CACNB4: variants seen among roughly 807,000 people sequenced by gnomAD.
CACNB4 encodes voltage-dependent L-type calcium channel subunit beta-4.
In CACNB4, 32 loss-of-function variants were observed where a neutral mutation model predicts 71.2. That is an observed-to-expected ratio of 0.45 (90% CI 0.34 to 0.60). CACNB4 has a LOEUF of 0.60. Among genes scored for constraint, CACNB4 ranks in the 20% least tolerant of loss-of-function variants. The pLI is 0.01. For synonymous variants in CACNB4, 231 were observed against 236.9 expected, an observed-to-expected ratio of 0.97 and a Z score of 0.23; for missense variants, 464 against 647.9, an observed-to-expected ratio of 0.72 and a Z score of 3.08.
chr2:151,872,529 C>T (rs2099844897), intron 5 of CACNB4, 36 bp from the exon 6 acceptor site: 1 of 1,156,900 alleles, frequency 8.6e-7, no homozygotes, highest in South Asian at 1.3e-5. Context: ...ACTCACTCCC[C>T]AGATTCTTTG....
intron 2 of CACNB4, among the ~76,000 whole-genome samples, chr2:152,080,360 A>T (rs1279944731): frequency 4.6e-5 from 7 of 152,012 alleles, no homozygotes; most frequent in Admixed American, 3.9e-4. Flanking sequence ...TGACCTCGTG[A>T]TCCCCCTGCC....
chr2:152,066,147 G>T (rs1686306983), intron 2 of CACNB4, among the ~76,000 whole-genome samples: 4 of 152,188 alleles, frequency 2.6e-5, no homozygotes, highest in South Asian at 4.2e-4. Flanking sequence ...GTACATGCAG[G>T]CTCAACCAGA....
chr2:151,902,841 T>A (rs2099853825), intron 2 of CACNB4, among the ~76,000 whole-genome samples: 1 of 152,198 alleles, frequency 6.6e-6, no homozygotes, highest in South Asian at 2.1e-4. Context: ...TACCCTATTG[T>A]GTGCAATGAA....
intron 2 of CACNB4, among the ~76,000 whole-genome samples, chr2:152,011,209 A>G (rs1297980688): frequency 6.6e-6 from 1 of 152,138 alleles, no homozygotes; most frequent in East Asian, 1.9e-4. Context: ...AATTCAAGAA[A>G]AACTTTCAGC....
At chr2:151,944,160 C>G (rs886141676) in intron 2 of CACNB4, among the ~76,000 whole-genome samples, 2 of 151,564 alleles carry the variant, frequency 1.3e-5, no homozygotes, top group Non-Finnish European at 2.9e-5. Context: ...TCCTAAGTAG[C>G]TGAGATGACA....
intron 2 of CACNB4, among the ~76,000 whole-genome samples, chr2:151,961,466 G>C (rs895225133): frequency 5.3e-5 from 8 of 152,194 alleles, no homozygotes; most frequent in African/African-American, 1.9e-4. Context: ...CAACAGTACA[G>C]GAATTAAAAC....
At chr2:152,060,744 C>T (rs769019041) in intron 2 of CACNB4, among the ~76,000 whole-genome samples, 8 of 152,166 alleles carry the variant, frequency 5.3e-5, no homozygotes, top group Non-Finnish European at 1.0e-4. Flanking sequence ...GGTACATCTA[C>T]ACATCAGATT....
At position 152,042,670 on chromosome 2, in the gene CACNB4, G is replaced by T. The variant is rs76270500; in HGVS notation, c.147+55660C>A. Among the ~76,000 whole-genome samples the T allele has an allele frequency of 5.8e-5, 8 of 137,390 alleles. No individual in the cohort carries two copies. The East Asian group carries it at 1.7e-3, about 30-fold the overall frequency. The allele number at this position is 137,390 out of a possible 152,430, so 90.1% of individuals were successfully genotyped here. ...ATATCTTATGTTCCCCCTTCTGGCT[G>T]AAAGTGTTGTTAATTTTATTTATTT... On this transcript the variant is annotated intron_variant, in intron 2 of 13. Transcript: ENST00000539935.
At chr2:152,071,479 A>G (rs949470022) in intron 2 of CACNB4, among the ~76,000 whole-genome samples, 2 of 152,204 alleles carry the variant, frequency 1.3e-5, no homozygotes, top group Non-Finnish European at 2.9e-5. Context: ...GAAGCTTTTA[A>G]TATCTACACA....
At chr2:152,018,350 C>G (rs2105107524) in intron 2 of CACNB4, among the ~76,000 whole-genome samples, 1 of 151,956 alleles carries the variant, frequency 6.6e-6, no homozygotes, top group East Asian at 1.9e-4. Flanking sequence ...CTGGGAGCAT[C>G]AGGGTTGAGA....
At chr2:151,883,084 G>C in intron 3 of CACNB4, 167 bp downstream of exon 3, 1 of 640,430 alleles carries the variant, frequency 1.6e-6, no homozygotes, top group Non-Finnish European at 2.7e-6. Flanking sequence ...CTTTGGAGAT[G>C]TTACTAACCT....
intron 9 of CACNB4, chr2:151,866,176 T>G (rs2099843058): frequency 6.6e-6 from 1 of 152,192 alleles, no homozygotes; most frequent in Non-Finnish European, 1.5e-5. Flanking sequence ...CTAAACTGAC[T>G]CAAATAATTT....
At chr2:152,003,738 G>A (rs887862582) in intron 2 of CACNB4, among the ~76,000 whole-genome samples, 4 of 151,798 alleles carry the variant, frequency 2.6e-5, no homozygotes, top group African/African-American at 9.7e-5. Flanking sequence ...TAGATATACA[G>A]AATTCTTGAA....
intron 2 of CACNB4, chr2:151,970,964 C>T (rs1560094005): frequency 6.6e-6 from 1 of 152,262 alleles, no homozygotes; most frequent in Non-Finnish European, 1.5e-5. Context: ...AAATGTCCAG[C>T]CTGGGCGACA....
Position 151,870,698 on chromosome 2 carries a change from G to A in CACNB4, c.619-87C>T. 3.1e-6 allele frequency: 4 copies of A among 1,302,726 alleles called. No individual in the cohort carries two copies. The Admixed American group carries it at 5.8e-5, about 19-fold the overall frequency. 80.7% of individuals were successfully genotyped at this position (1,302,726 alleles called of 1,614,324 possible). ...AACATTCATAATTTCATAATTCTCAGGTTGAACGACAAATGATTATCAAAG... is the reference window on the plus strand; with the variant it reads ...AACATTCATAATTTCATAATTCTCAAGTTGAACGACAAATGATTATCAAAG... On this transcript the variant is annotated intron_variant, in intron 7 of 13. Transcript: ENST00000539935.
In CACNB4 at chr2:152,077,908, A is replaced by C. The variant is rs567001234; in HGVS notation, c.147+20422T>G. On this transcript the variant is annotated intron_variant, in intron 2 of 13. Transcript: ENST00000539935. The stretch of plus-strand genomic sequence containing the variant: ...GAAATCCATTAGAGGGTTTTAAAAC[A>C]GAAAAATGGCCTGATCTGATTTCCT... Among the ~76,000 whole-genome samples the C allele has an allele frequency of 2.4e-4, 37 of 152,330 alleles. 2 individuals are homozygous for C. The highest frequency in any genetic ancestry group is 2.4e-3 in the Admixed American group (36 of 15,308).
intron 2 of CACNB4, among the ~76,000 whole-genome samples, chr2:151,995,476 C>T (rs1681988362): frequency 6.6e-6 from 1 of 152,168 alleles, no homozygotes; most frequent in Non-Finnish European, 1.5e-5. Context: ...AGCATAATAT[C>T]ACTTAACAGA....
Position 151,869,308 on chromosome 2 carries a change from G to C in CACNB4, c.700-73C>G. 5 of 888,496 alleles carry C rather than the reference G, an allele frequency of 5.6e-6. No individual in the cohort carries two copies. The Admixed American group carries it at 1.0e-4, about 18-fold the overall frequency. 55.0% of individuals were successfully genotyped at this position (888,496 alleles called of 1,614,324 possible). On this transcript the variant is annotated intron_variant, in intron 8 of 13. Transcript: ENST00000539935. ...AGAGAGAGAAGTCAAAAGGGAGAGA[G>C]GAGGGAGGGAAGGGTACTATGAGCC...
chr2:151,960,513 C>T (rs1023457096), intron 2 of CACNB4, among the ~76,000 whole-genome samples: 3 of 152,178 alleles, frequency 2.0e-5, no homozygotes, highest in Non-Finnish European at 4.4e-5. Flanking sequence ...GGGCACATAA[C>T]CACCACCATT....
Sources: allele counts gnomAD v4.1 joint callset (sites outside exome capture counted in the v4.1 genomes callset), GRCh38; gene constraint gnomAD v4.1.1; transcripts MANE v1.5; gene names NCBI Gene and HGNC (gene_info 2026-07-23, HGNC 2026-07-21).